The following ERP44 variants were observed in gnomAD, a reference collection of about 807,000 sequenced individuals.
The protein encoded by ERP44 is endoplasmic reticulum resident protein 44.
ERP44 carries 25 observed loss-of-function variants against 53.4 expected under a neutral mutation model. The observed-to-expected ratio is 0.47, with a 90% CI of 0.34 to 0.65. The LOEUF (loss-of-function observed/expected upper bound fraction) is 0.65, where lower values mean the gene tolerates loss of function less well. Among genes scored for constraint, ERP44 ranks in the 30% least tolerant of loss-of-function variants. The pLI is 0.01. For synonymous variants in ERP44, 145 were observed against 161.2 expected (o/e 0.90, Z 0.76); for missense variants, 338 against 493.2 (o/e 0.69, Z 2.98).
intron 4 of ERP44, among the ~76,000 whole-genome samples, chr9:100,042,761 C>T (rs1031288942): frequency 2.0e-5 from 3 of 152,078 alleles, no homozygotes; most frequent in Non-Finnish European, 4.4e-5. Flanking sequence ...TCACTTGCAA[C>T]AACATGGATG....
intron 1 of ERP44, among the ~76,000 whole-genome samples, chr9:100,082,262 T>G (rs1441296235): frequency 6.7e-6 from 1 of 149,826 alleles, no homozygotes; most frequent in Non-Finnish European, 1.5e-5. Context: ...CCAAAATGTT[T>G]TTTTAAACCA....
In ERP44 at chr9:100,006,522, C is replaced by G. The variant is rs200971348; in HGVS notation, c.1000G>C (p.Asp334His). ...DSFRHMYVFGDFKDVLIPGKL... is the reference protein window; with the variant it reads ...DSFRHMYVFGHFKDVLIPGKL... ...AATACTCACAATACATCTTTGAAGT[C>G]TCCAAACACATACATATGCCTAAAG... is the stretch of plus-strand genomic sequence containing the variant. Residue 334 changes from aspartate (D) to histidine (H), a missense_variant, in exon 10 of 12, where the codon GAC becomes CAC. Asp to His is a moderately conservative substitution (Grantham distance 81). Coordinates refer to ENST00000262455, the MANE Select transcript of ERP44 (RefSeq NM_015051.3). The G allele has an allele frequency of 1.2e-6, 2 of 1,606,424 alleles. No homozygotes were observed. The highest frequency in any genetic ancestry group is 4.5e-5 in the East Asian group (2 of 44,738).
At chr9:100,003,765 C>T (rs1230839577) in intron 10 of ERP44, among the ~76,000 whole-genome samples, 1 of 151,644 alleles carries the variant, frequency 6.6e-6, no homozygotes, top group Non-Finnish European at 1.5e-5. Flanking sequence ...CTGGGATGAG[C>T]CTGGTGCCTG....
At chr9:100,090,246 T>C (rs932951012) in intron 1 of ERP44, among the ~76,000 whole-genome samples, 1 of 152,226 alleles carries the variant, frequency 6.6e-6, no homozygotes, top group African/African-American at 2.4e-5. Flanking sequence ...TATCACTGGC[T>C]AGCTGACATT....
At chr9:100,013,514 G>A (rs1830497614) in intron 8 of ERP44, among the ~76,000 whole-genome samples, 1 of 151,716 alleles carries the variant, frequency 6.6e-6, no homozygotes, top group Non-Finnish European at 1.5e-5. Context: ...TTTCTTCTAC[G>A]ACCATCTGTC....
intron 1 of ERP44, among the ~76,000 whole-genome samples, chr9:100,068,446 C>G (rs1316039110): frequency 3.0e-5 from 4 of 135,358 alleles, no homozygotes; most frequent in Admixed American, 7.2e-5. Flanking sequence ...GTGAGAGGTG[C>G]CTCTGCCCGG....
At chr9:99,994,285 A>T (rs1342761288) in intron 10 of ERP44, among the ~76,000 whole-genome samples, 1 of 152,248 alleles carries the variant, frequency 6.6e-6, no homozygotes, top group South Asian at 2.1e-4. Context: ...GGATTAAGAA[A>T]ATGTGGCACA....
rs1341148540 is a variant in ERP44 at position 99,981,609 on chromosome 9, A to ATCTT, written c.*999_*1002dup. ...GTATTGAGGCCTGGCACAGGGACCC[A>ATCTT]TCTTACTGTATGCTGCAGGCCTGGG... On this transcript the variant is annotated 3_prime_UTR_variant, in exon 12 of 12. Transcript: ENST00000262455. 1.3e-5 allele frequency: 2 copies of ATCTT among 152,612 alleles called. No homozygotes were observed. The highest frequency in any genetic ancestry group is 4.8e-5 in the African/African-American group (2 of 41,448). 9.5% of individuals were successfully genotyped at this position (152,612 alleles called of 1,614,324 possible). A position where few individuals can be genotyped will look rare whatever the true frequency, so the allele number is the denominator to read the frequency against.
intron 1 of ERP44, among the ~76,000 whole-genome samples, chr9:100,065,000 GAT>G (rs1471143681): frequency 1.3e-5 from 2 of 152,144 alleles, no homozygotes; most frequent in African/African-American, 4.8e-5. Flanking sequence ...AAAGAAAAAA[GAT>G]ATTTTAAAAT....
At chr9:100,019,516 A>C (rs111377955) in intron 6 of ERP44, among the ~76,000 whole-genome samples, 33 of 152,354 alleles carry the variant, frequency 2.2e-4, no homozygotes, top group African/African-American at 7.7e-4. Flanking sequence ...TCCATTCAAG[A>C]TAGCTACTAC....
intron 4 of ERP44, among the ~76,000 whole-genome samples, chr9:100,050,370 T>A (rs750211526): frequency 1.3e-5 from 2 of 152,156 alleles, no homozygotes; most frequent in African/African-American, 2.4e-5. Context: ...GATTGAACAA[T>A]CTATTTTTCA....
chr9:100,069,587 C>A (rs1439235645), intron 1 of ERP44, among the ~76,000 whole-genome samples: 6 of 151,984 alleles, frequency 3.9e-5, no homozygotes. Context: ...CAGAGTGAGA[C>A]TCCATCTCAA....
Position 100,020,658 on chromosome 9 carries a change from G to A in ERP44, c.545C>T (p.Ala182Val), listed in dbSNP as rs1830578011. The change falls in exon 6 of 12, where the codon GCG (alanine) becomes GTG (valine). Residue 182 changes from alanine to valine, a missense_variant. This residue lies in a region of ERP44 where 224 missense variants were observed against 301.4 expected (regional missense o/e 0.74). Coordinates refer to ENST00000262455, the MANE Select transcript of ERP44 (RefSeq NM_015051.3). ...GGCACAGTCATCATGCAAAATATTC[G>A]CTACTCGTTCAAAAACTCTATAGTT... Reference protein sequence around the residue: ...SDNYRVFERVANILHDDCAFL... With the variant: ...SDNYRVFERVVNILHDDCAFL... 2 of 1,609,914 alleles carry A rather than the reference G, an allele frequency of 1.2e-6. No homozygotes were observed. Among genetic ancestry groups the A allele is most frequent in the Non-Finnish European group, 1.7e-6 (2 of 1,176,832 alleles).
intron 1 of ERP44, among the ~76,000 whole-genome samples, chr9:100,067,829 G>A (rs1477943766): frequency 4.7e-5 from 7 of 150,324 alleles, no homozygotes; most frequent in East Asian, 2.0e-4. Context: ...TGTGGGGAGC[G>A]TCTCTGCCTG....
At chr9:99,997,319 A>G (rs1311519228) in intron 10 of ERP44, among the ~76,000 whole-genome samples, 1 of 152,132 alleles carries the variant, frequency 6.6e-6, no homozygotes, top group Non-Finnish European at 1.5e-5. Context: ...AAATTTTTTT[A>G]TTATGGCCAT....
In ERP44 at chr9:100,057,794, C is replaced by T. The variant is rs1247938457; in HGVS notation, c.170+26G>A. 4 of 1,584,212 alleles carry T rather than the reference C, an allele frequency of 2.5e-6. No individual in the cohort carries two copies. The African/African-American group carries it at 4.1e-5, about 16-fold the overall frequency. ...AACCTTTAGCAAGTAAAAACAAAACCAAACCCAAACAATAAGATTACTTAC... is the reference window on the plus strand; with the variant it reads ...AACCTTTAGCAAGTAAAAACAAAACTAAACCCAAACAATAAGATTACTTAC... On this transcript the variant is annotated intron_variant, in intron 3 of 11. Coordinates refer to ENST00000262455, the MANE Select transcript of ERP44 (RefSeq NM_015051.3).
At chr9:99,999,020 G>C (rs1432903579) in intron 10 of ERP44, 1 of 974,472 alleles carries the variant, frequency 1.0e-6, no homozygotes, top group African/African-American at 1.6e-5. Context: ...GTGGGCAGCG[G>C]GCGCAGCTGC....
At chr9:100,016,658 C>T (rs756181798) in intron 7 of ERP44, among the ~76,000 whole-genome samples, 1 of 152,116 alleles carries the variant, frequency 6.6e-6, no homozygotes, top group East Asian at 1.9e-4. Context: ...CATGCCACCA[C>T]GCCAAGCTAA....
chr9:99,993,983 A>G (rs1438900000), intron 10 of ERP44, among the ~76,000 whole-genome samples: 3 of 152,240 alleles, frequency 2.0e-5, no homozygotes, highest in Non-Finnish European at 4.4e-5. Flanking sequence ...TAGAATGGCA[A>G]TCATTAAGTC....
Sources: allele counts gnomAD v4.1 joint callset (sites outside exome capture counted in the v4.1 genomes callset), GRCh38; gene constraint gnomAD v4.1.1; regional missense constraint gnomAD v4.1.1; transcripts MANE v1.5; gene names NCBI Gene and HGNC (gene_info 2026-07-23, HGNC 2026-07-21).